Variants in ADAM32 observed in about 807,000 individuals in gnomAD.
ADAM32 encodes the protein ADAM metallopeptidase domain 32.
In ADAM32, 89 loss-of-function variants were observed where a neutral mutation model predicts 114.9. The ratio of observed to expected loss-of-function variants is 0.77; its 90% CI spans 0.65 to 0.92. The LOEUF (loss-of-function observed/expected upper bound fraction) is 0.92, where lower values mean the gene tolerates loss of function less well. Ranked by LOEUF, ADAM32 falls within the 40% of genes least tolerant of loss-of-function variation. The pLI is 0.00. For synonymous variants in ADAM32, 285 were observed against 307.5 expected, an observed-to-expected ratio of 0.93 and a Z score of 0.77; for missense variants, 870 against 932.8, an observed-to-expected ratio of 0.93 and a Z score of 0.88.
At chr8:39,236,352 CAG>C (rs2129449564) in intron 16 of ADAM32, among the ~76,000 whole-genome samples, 1 of 152,124 alleles carries the variant, frequency 6.6e-6, no homozygotes, top group East Asian at 1.9e-4. Context: ...ACTGTGTACT[CAG>C]GGATAGTCTT....
chr8:39,223,778 C>G (rs1255441853), intron 14 of ADAM32: 1 of 152,102 alleles, frequency 6.6e-6, no homozygotes, highest in Non-Finnish European at 1.5e-5. Flanking sequence ...TTTTGTACCC[C>G]TTGACTAGCA....
At chr8:39,107,696 C>G, upstream of ADAM32, 1 of 1,545,972 alleles carries the variant, frequency 6.5e-7, no homozygotes, top group East Asian at 2.5e-5. Flanking sequence ...GGGAGCGGCC[C>G]CCGGCGTCCG....
intron 1 of ADAM32, among the ~76,000 whole-genome samples, chr8:39,117,078 T>C (rs1840409765): frequency 6.6e-6 from 1 of 151,278 alleles, no homozygotes; most frequent in Non-Finnish European, 1.5e-5. Context: ...GAGACGGGGT[T>C]TCACTATGTT....
intron 2 of ADAM32, among the ~76,000 whole-genome samples, chr8:39,118,968 C>A (rs891747271): frequency 6.6e-6 from 1 of 152,138 alleles, no homozygotes; most frequent in African/African-American, 2.4e-5. Context: ...ATGTATTTGC[C>A]TCTTTAGGGG....
At chr8:39,257,029 A>G (rs1166495079) in intron 18 of ADAM32, among the ~76,000 whole-genome samples, 158 bp from the exon 19 acceptor site, 2 of 152,082 alleles carry the variant, frequency 1.3e-5, no homozygotes, top group Admixed American at 1.3e-4. Flanking sequence ...TTGTACAGGT[A>G]GCCCCAAGGA....
At chr8:39,276,856 A>G (rs1813105777) in intron 22 of ADAM32, among the ~76,000 whole-genome samples, 1 of 152,122 alleles carries the variant, frequency 6.6e-6, no homozygotes, top group Non-Finnish European at 1.5e-5. Flanking sequence ...TTCTCTTATT[A>G]TATTCTGTCA....
At chr8:39,250,799 C>A (rs1811236916) in intron 17 of ADAM32, among the ~76,000 whole-genome samples, 1 of 151,840 alleles carries the variant, frequency 6.6e-6, no homozygotes, top group African/African-American at 2.4e-5. Flanking sequence ...GATATTTGTA[C>A]CTATTAATCA....
At chr8:39,124,668 GC>G (rs1325296821) in intron 2 of ADAM32, among the ~76,000 whole-genome samples, 2 of 152,050 alleles carry the variant, frequency 1.3e-5, no homozygotes, top group African/African-American at 4.8e-5. Context: ...CACCGCCTTG[GC>G]CTCCCAAAGT....
chr8:39,227,993 CACATT>C (rs1454392127), intron 14 of ADAM32, among the ~76,000 whole-genome samples: 3 of 152,204 alleles, frequency 2.0e-5, no homozygotes, highest in African/African-American at 7.2e-5. Flanking sequence ...CTAGACAGTT[CACATT>C]AGAAGACTCT....
chr8:39,130,563 T>TATAA (rs1802382102), intron 2 of ADAM32, among the ~76,000 whole-genome samples: 1 of 152,206 alleles, frequency 6.6e-6, no homozygotes, highest in Non-Finnish European at 1.5e-5. Flanking sequence ...AGCATTGCTT[T>TATAA]AGCTGGATTC....
At chr8:39,141,912 T>G (rs571298877) in intron 3 of ADAM32, among the ~76,000 whole-genome samples, 1 of 152,346 alleles carries the variant, frequency 6.6e-6, no homozygotes, top group Non-Finnish European at 1.5e-5. Flanking sequence ...AGTTAGCTCT[T>G]CTTGTTGAAT....
intron 16 of ADAM32, among the ~76,000 whole-genome samples, chr8:39,238,301 C>T (rs1043374939): frequency 2.0e-5 from 3 of 152,206 alleles, no homozygotes; most frequent in African/African-American, 4.8e-5. Flanking sequence ...AGTAGCTCCA[C>T]TGCGTGGCTA....
chr8:39,130,762 T>A (rs1802395901), intron 2 of ADAM32: 2 of 381,410 alleles, frequency 5.2e-6, no homozygotes, highest in Non-Finnish European at 1.0e-5. Flanking sequence ...TGTACTTTTG[T>A]GACTTCAGTT....
At chr8:39,184,573 C>T (rs764106300) in intron 10 of ADAM32, among the ~76,000 whole-genome samples, 11 of 152,114 alleles carry the variant, frequency 7.2e-5, no homozygotes, top group Non-Finnish European at 1.6e-4. Context: ...CCAATAAGCC[C>T]CAGAAGTCCT....
chr8:39,140,883 G>A (rs527901923), intron 3 of ADAM32, among the ~76,000 whole-genome samples: 19 of 152,200 alleles, frequency 1.2e-4, no homozygotes, highest in Admixed American at 1.2e-3. Context: ...AGTCTTGGGC[G>A]GGTGCACGTG....
chr8:39,190,618 G>C (rs1391513849), intron 11 of ADAM32, among the ~76,000 whole-genome samples: 1 of 152,172 alleles, frequency 6.6e-6, no homozygotes, highest in African/African-American at 2.4e-5. Flanking sequence ...TCATGGCGGT[G>C]TTGATTTAAA....
chr8:39,207,351 G>A (rs191975686), intron 11 of ADAM32, among the ~76,000 whole-genome samples: 17 of 152,072 alleles, frequency 1.1e-4, no homozygotes, highest in Admixed American at 1.1e-3. Context: ...ATATCATTTT[G>A]ATAATTTGAT....
rs73608630 is a variant in ADAM32, at chr8:39,257,430, C to A, written c.2162+87C>A. 2.1e-5 allele frequency: 30 copies of A among 1,435,342 alleles called. No homozygotes were observed. The East Asian group carries it at 7.1e-4, about 34-fold the overall frequency. 88.9% of individuals were successfully genotyped at this position (1,435,342 alleles called of 1,614,324 possible). A position where few individuals can be genotyped will look rare whatever the true frequency, so the allele number is the denominator to read the frequency against. Reference sequence around the variant, plus strand: ...GACAATATCACGAGCAGTAGCAATACTTTACATATCACTGGGATTTTGAGT... The same window carrying A: ...GACAATATCACGAGCAGTAGCAATAATTTACATATCACTGGGATTTTGAGT... On this transcript the variant is annotated intron_variant, in intron 19 of 24. Coordinates refer to ENST00000379907, the MANE Select transcript of ADAM32 (RefSeq NM_145004.7).
intron 19 of ADAM32, among the ~76,000 whole-genome samples, chr8:39,265,952 T>C (rs989309039): frequency 1.3e-5 from 2 of 152,232 alleles, no homozygotes; most frequent in Non-Finnish European, 2.9e-5. Context: ...CAGTTTTTGG[T>C]TGAAATTTCC....
Sources: gnomAD v4.1 joint callset for allele counts (sites outside exome capture counted in the v4.1 genomes callset) on GRCh38, gnomAD v4.1.1 for gene constraint, MANE v1.5 for transcripts, NCBI Gene and HGNC (gene_info 2026-07-23, HGNC 2026-07-21) for gene names.